NAV1: variants seen among roughly 807,000 people sequenced by gnomAD.
NAV1 encodes the protein neuron navigator 1.
In NAV1, 18 loss-of-function variants were observed where a neutral mutation model predicts 175.2. The ratio of observed to expected loss-of-function variants is 0.10; its 90% CI spans 0.07 to 0.15. NAV1 has a LOEUF of 0.15. NAV1 is among the 10% of genes least tolerant of loss of function. The pLI is 1.00. For missense variants in NAV1, 1,731 were observed against 2,436.6 expected, an observed-to-expected ratio of 0.71 and a Z score of 6.10; for synonymous variants, 897 against 978.7, an observed-to-expected ratio of 0.92 and a Z score of 1.56.
At chr1:201,663,453 G>A (rs950858448) in intron 1 of NAV1, among the ~76,000 whole-genome samples, 9 of 152,136 alleles carry the variant, frequency 5.9e-5, no homozygotes, top group African/African-American at 2.2e-4. Context: ...TGAAGATTCA[G>A]GCCTGACCTA....
At chr1:201,698,741 G>A (rs775356963) in intron 1 of NAV1, among the ~76,000 whole-genome samples, 4 of 152,220 alleles carry the variant, frequency 2.6e-5, no homozygotes, top group Non-Finnish European at 4.4e-5. Flanking sequence ...TAGGTTCTGC[G>A]AAAGGAAGTG....
Position 201,782,232 on chromosome 1 carries a change from C to T in NAV1, c.1720C>T (p.Leu574Phe). The change falls in exon 6 of 30, where the codon CTC (leucine) becomes TTC (phenylalanine). Residue 574 changes from leucine (L) to phenylalanine (F), a missense_variant. This residue lies in a region of NAV1 where 634 missense variants were observed against 766.8 expected (regional missense o/e 0.83). Transcript: ENST00000367296. The surrounding 1 kb of genome is among the most constrained non-coding windows in gnomAD (Gnocchi z 5.4). ...TAAGCTTGCAGTGAAGAATACTGGG[C>T]TCCAACGCTCCTCCTCTGATGCTGG... 6.2e-7 allele frequency: 1 copy of T among 1,613,658 alleles called. No homozygotes were observed. Among genetic ancestry groups the T allele is most frequent in the Middle Eastern group, 1.7e-4 (1 of 6,058 alleles).
intron 1 of NAV1, among the ~76,000 whole-genome samples, chr1:201,547,284 C>T (rs910282931): frequency 3.3e-5 from 5 of 152,138 alleles, no homozygotes; most frequent in South Asian, 2.1e-4. Context: ...CCACCGCACC[C>T]GGCCAAACAA....
chr1:201,546,949 C>A (rs1665690767), intron 1 of NAV1, among the ~76,000 whole-genome samples: 2 of 150,562 alleles, frequency 1.3e-5, no homozygotes, highest in African/African-American at 2.4e-5. Context: ...TGATACTTAA[C>A]CCTTCAACAC....
intron 1 of NAV1, among the ~76,000 whole-genome samples, chr1:201,677,534 C>T (rs919863875): frequency 1.3e-5 from 2 of 152,094 alleles, no homozygotes; most frequent in African/African-American, 4.8e-5. Flanking sequence ...CTGGGACTCA[C>T]GGTGCTTTTT....
chr1:201,593,652 G>A (rs777647232), intron 2 of NAV1, among the ~76,000 whole-genome samples: 3 of 152,338 alleles, frequency 2.0e-5, no homozygotes, highest in Middle Eastern at 3.4e-3. Flanking sequence ...GATATGTGCA[G>A]TCATTTGTAT....
intron 1 of NAV1, among the ~76,000 whole-genome samples, chr1:201,687,728 C>T (rs1234502677): frequency 3.3e-5 from 5 of 152,192 alleles, no homozygotes; most frequent in African/African-American, 4.8e-5. Context: ...GATATTGGTT[C>T]GGAGTCAACT....
chr1:201,779,197 G>A (rs1558153264), intron 3 of NAV1, among the ~76,000 whole-genome samples: 1 of 152,152 alleles, frequency 6.6e-6, no homozygotes, highest in Admixed American at 6.5e-5. Flanking sequence ...AAAGAAATGT[G>A]AATAGCAAAG....
At chr1:201,771,003 C>T (rs1675541151) in intron 3 of NAV1, among the ~76,000 whole-genome samples, 1 of 152,124 alleles carries the variant, frequency 6.6e-6, no homozygotes, top group African/African-American at 2.4e-5. Flanking sequence ...TCATTGAATG[C>T]ACAGAAGTGG....
At chr1:201,701,030 A>AAAG (rs386369322) in intron 1 of NAV1, among the ~76,000 whole-genome samples, 1 of 147,554 alleles carries the variant, frequency 6.8e-6, no homozygotes, top group Non-Finnish European at 1.5e-5. Flanking sequence ...AAAAAAAAAA[A>AAAG]AAGAAAGAAA....
In NAV1 at chr1:201,808,114, C is replaced by T; in HGVS notation, c.3810C>T (p.Ser1270=). 6.2e-7 allele frequency: 1 copy of T among 1,614,242 alleles called. No homozygotes were observed. The highest frequency in any genetic ancestry group is 1.1e-5 in the South Asian group (1 of 91,090). Residue 1270 remains serine (S), a synonymous_variant, in exon 18 of 30, where the codon TCC becomes TCT. Transcript: ENST00000367296. The surrounding 1 kb of genome is among the most constrained non-coding windows in gnomAD (Gnocchi z 5.5). ...AGACTGCTTCACCCTCCATCAAGTC[C>T]TCCACCTCGTCCTCCGTGGGCACTG...
exon 30 of NAV1, chr1:201,821,183 A>AT (rs2102846796): frequency 6.5e-6 from 1 of 152,780 alleles, no homozygotes; most frequent in South Asian, 2.1e-4. Flanking sequence ...AACTGAAAAC[A>AT]TTCCTCTGTC....
chr1:201,761,280 C>T (rs1332232362), intron 3 of NAV1, among the ~76,000 whole-genome samples: 4 of 152,162 alleles, frequency 2.6e-5, no homozygotes, highest in African/African-American at 9.7e-5. Flanking sequence ...AGTCAAAAAG[C>T]GGGGAATAAT....
At chr1:201,796,257 T>C (rs1048557780) in intron 15 of NAV1, 2 of 152,228 alleles carry the variant, frequency 1.3e-5, no homozygotes, top group East Asian at 3.8e-4. Context: ...CAAGCTGTTT[T>C]CCAGAGCAGC....
intron 1 of NAV1, among the ~76,000 whole-genome samples, chr1:201,692,547 T>C (rs1670996343): frequency 6.6e-6 from 1 of 152,246 alleles, no homozygotes; most frequent in African/African-American, 2.4e-5. Context: ...AGTGAGTTCC[T>C]GGTCTCCATT....
intron 1 of NAV1, among the ~76,000 whole-genome samples, chr1:201,696,286 G>A (rs994027776): frequency 1.3e-5 from 2 of 152,218 alleles, no homozygotes; most frequent in Non-Finnish European, 2.9e-5. Flanking sequence ...TCCTGCATTG[G>A]AATCGGGCGG....
chr1:201,559,118 G>A lies in NAV1; in HGVS notation c.-144+19776G>A, dbSNP rs1394156430. ...TCACAAGGATTGAAGGAGATAACGC[G>A]TATAACACCTTTAGCATAGCGCCAG... On this transcript the variant is annotated intron_variant, in intron 1 of 33. Coordinates refer to the NAV1 transcript ENST00000685211. Among the ~76,000 whole-genome samples the A allele has an allele frequency of 8.5e-5, 13 of 152,258 alleles. No individual in the cohort carries two copies. In the East Asian group the frequency reaches 1.2e-3, roughly 14 times the overall value.
At chr1:201,803,738 G>GT (rs397715791) in intron 16 of NAV1, 24 bp downstream of exon 20, 1 of 1,607,206 alleles carries the variant, frequency 6.2e-7, no homozygotes, top group African/African-American at 1.3e-5. Context: ...TGGGGGGTGG[G>GT]AAGTAGGTAG....
intron 2 of NAV1, among the ~76,000 whole-genome samples, chr1:201,717,588 C>A (rs968307599): frequency 6.6e-6 from 1 of 152,212 alleles, no homozygotes; most frequent in Non-Finnish European, 1.5e-5. Context: ...TTGGCCTGGT[C>A]TAGCAGGGCC....
Sources: gnomAD v4.1 joint callset for allele counts (sites outside exome capture counted in the v4.1 genomes callset) on GRCh38, gnomAD v4.1.1 for gene constraint, gnomAD v4.1.1 regional missense constraint, Gnocchi (gnomAD v3.1) non-coding constraint, MANE v1.5 for transcripts, NCBI Gene and HGNC (gene_info 2026-07-23, HGNC 2026-07-21) for gene names.